Variants in PLPP3 observed in about 807,000 individuals in gnomAD.
PLPP3 encodes the protein PAP2 beta.
In PLPP3, 6 loss-of-function variants were observed where a neutral mutation model predicts 29.6. The observed-to-expected ratio is 0.20, with a 90% CI of 0.11 to 0.40. PLPP3 has a LOEUF of 0.40. Among genes scored for constraint, PLPP3 ranks in the 10% least tolerant of loss-of-function variants. The pLI is 1.00. For missense variants in PLPP3, 308 were observed against 407.7 expected, an observed-to-expected ratio of 0.76 and a Z score of 2.11; for synonymous variants, 152 against 159.7, an observed-to-expected ratio of 0.95 and a Z score of 0.36.
At chr1:56,549,657 T>C (rs1476951926) in intron 1 of PLPP3, among the ~76,000 whole-genome samples, 1 of 152,214 alleles carries the variant, frequency 6.6e-6, no homozygotes, top group Non-Finnish European at 1.5e-5. Flanking sequence ...TTGTCCCAGC[T>C]GGGGTAACTG....
In PLPP3 at chr1:56,496,052, T is replaced by C. The variant is rs950520663; in HGVS notation, c.*499A>G. On this transcript the variant is annotated 3_prime_UTR_variant, in exon 6 of 6. Coordinates refer to ENST00000371250, the MANE Select transcript of PLPP3 (RefSeq NM_003713.5). ...ACTGAGCAAACTTGCTCTTTCCTTT[T>C]ATTTAAAACACAAAACAAAACTTCC... is the stretch of plus-strand genomic sequence containing the variant. 2 of 153,932 alleles carry C rather than the reference T, an allele frequency of 1.3e-5. No individual in the cohort carries two copies. Among genetic ancestry groups the C allele is most frequent in the African/African-American group, 4.8e-5 (2 of 41,464 alleles). 9.5% of individuals were successfully genotyped at this position (153,932 alleles called of 1,614,324 possible).
At position 56,535,157 on chromosome 1, in the gene PLPP3, G is replaced by C. The variant is rs111425452; in HGVS notation, c.297+1798C>G. 2.6e-4 allele frequency among the ~76,000 whole-genome samples: 40 copies of C among 152,288 alleles called. 1 individual carries two copies. Among genetic ancestry groups the C allele is most frequent in the African/African-American group, 9.1e-4 (38 of 41,570 alleles). On this transcript the variant is annotated intron_variant, in intron 2 of 5. Coordinates refer to ENST00000371250, the MANE Select transcript of PLPP3 (RefSeq NM_003713.5). ...CTCAAAACCTTAGTAAGTAGACATA[G>C]TATCTCTATGTAACAGATGTATTTC...
chr1:56,506,579 C>T (rs1257477458), intron 5 of PLPP3, among the ~76,000 whole-genome samples: 2 of 152,196 alleles, frequency 1.3e-5, no homozygotes, highest in Non-Finnish European at 2.9e-5. Context: ...GGCAGCCGGG[C>T]CCTCCCCTGA....
intron 1 of PLPP3, among the ~76,000 whole-genome samples, chr1:56,547,582 C>T (rs554695256): frequency 9.9e-5 from 15 of 152,262 alleles, no homozygotes; most frequent in African/African-American, 3.6e-4. Flanking sequence ...AGACACTTAT[C>T]TTCAGTTTCC....
intron 1 of PLPP3, among the ~76,000 whole-genome samples, chr1:56,557,490 T>C (rs1225640826): frequency 1.3e-5 from 2 of 152,162 alleles, no homozygotes; most frequent in East Asian, 1.9e-4. Context: ...ATTGATAGAA[T>C]CGTATCTTTT....
chr1:56,537,175 T>C, intron 1 of PLPP3, 63 bp from the exon 2 acceptor site: 7 of 1,530,102 alleles, frequency 4.6e-6, no homozygotes, highest in Non-Finnish European at 6.3e-6. Context: ...GGGGAAAACA[T>C]CAGTGCCAAA....
At chr1:56,568,563 G>A (rs193184940) in intron 1 of PLPP3, among the ~76,000 whole-genome samples, 68 of 152,324 alleles carry the variant, frequency 4.5e-4, no homozygotes, top group African/African-American at 1.4e-3. Flanking sequence ...GTTTCTGGAA[G>A]GAGTGGCCTC....
chr1:56,544,090 C>T (rs1015867109), intron 1 of PLPP3, among the ~76,000 whole-genome samples: 1 of 152,178 alleles, frequency 6.6e-6, no homozygotes, highest in African/African-American at 2.4e-5. Context: ...AAAGAGAAAC[C>T]TGTTTTACTT....
intron 1 of PLPP3, among the ~76,000 whole-genome samples, chr1:56,557,014 G>GAAGGAAAGAAAGAAAGAAA (rs1281163801): frequency 7.7e-5 from 1 of 12,948 alleles, no homozygotes; most frequent in Non-Finnish European, 2.0e-4. Flanking sequence ...AAGAAAGAGA[G>GAAGGAAAGAAAGAAAGAAA]AGAGAGAGAG....
At position 56,524,180 on chromosome 1, in the gene PLPP3, T is replaced by C. The variant is rs1287303152; in HGVS notation, c.575+97A>G. ...CCTCAAGAATAGGAACTATGCCTTA[T>C]TCACCCATCTAAACCAGGGCCCAGC... is the stretch of plus-strand genomic sequence containing the variant. On this transcript the variant is annotated intron_variant, in intron 3 of 5. Transcript: ENST00000371250. The surrounding 1 kb of genome is among the most constrained non-coding windows in gnomAD (Gnocchi z 4.3). 1 of 1,422,736 alleles carries C rather than the reference T, an allele frequency of 7.0e-7. No individual in the cohort carries two copies. Among genetic ancestry groups the C allele is most frequent in the African/African-American group, 1.4e-5 (1 of 70,172 alleles). 88.1% of individuals were successfully genotyped at this position (1,422,736 alleles called of 1,614,324 possible).
chr1:56,531,519 T>C (rs150345903), intron 2 of PLPP3, among the ~76,000 whole-genome samples: 82 of 152,348 alleles, frequency 5.4e-4, no homozygotes, highest in Non-Finnish European at 9.6e-4. Context: ...CTACAAACCA[T>C]TGATGCACAC....
chr1:56,578,476 C>A (rs971616133), intron 1 of PLPP3, among the ~76,000 whole-genome samples: 1 of 152,182 alleles, frequency 6.6e-6, no homozygotes, highest in South Asian at 2.1e-4. Context: ...ACTCTCGGGG[C>A]GATCCATTTC....
intron 1 of PLPP3, among the ~76,000 whole-genome samples, 164 bp from the exon 2 acceptor site, chr1:56,537,276 T>G (rs1645934402): frequency 6.6e-6 from 1 of 152,136 alleles, no homozygotes; most frequent in Non-Finnish European, 1.5e-5. Context: ...GAGAGAGCTT[T>G]CGCTATGCAC....
At chr1:56,574,795 A>G (rs1449535865) in intron 1 of PLPP3, among the ~76,000 whole-genome samples, 1 of 152,188 alleles carries the variant, frequency 6.6e-6, no homozygotes, top group Non-Finnish European at 1.5e-5. Flanking sequence ...CATATATAAC[A>G]ATTCAATTAA....
chr1:56,547,799 G>T (rs562614780), intron 1 of PLPP3, among the ~76,000 whole-genome samples: 1 of 152,160 alleles, frequency 6.6e-6, no homozygotes, highest in Admixed American at 6.5e-5. Context: ...CAAGTAAGAG[G>T]AAGAGCACAG....
chr1:56,579,371 G>C lies in PLPP3; in HGVS notation c.-355C>G. On this transcript the variant is annotated 5_prime_UTR_variant, in exon 1 of 6. Coordinates refer to ENST00000371250, the MANE Select transcript of PLPP3 (RefSeq NM_003713.5). The stretch of plus-strand genomic sequence containing the variant: ...GCGAGCGAGCGAGTGGGCAGCGCGG[G>C]CGCTCGGCCACCTTCCTCCGCAGCT... 3.7e-6 allele frequency: 1 copy of C among 268,070 alleles called. No individual in the cohort carries two copies. Among genetic ancestry groups the C allele is most frequent in the South Asian group, 4.1e-5 (1 of 24,632 alleles). 16.6% of individuals were successfully genotyped at this position (268,070 alleles called of 1,614,324 possible). A position where few individuals can be genotyped will look rare whatever the true frequency, so the allele number is the denominator to read the frequency against.
At chr1:56,577,833 G>A (rs1241900806) in intron 1 of PLPP3, among the ~76,000 whole-genome samples, 1 of 152,106 alleles carries the variant, frequency 6.6e-6, no homozygotes, top group Non-Finnish European at 1.5e-5. Context: ...TGAGGCCCAT[G>A]AGGCAGTTAA....
intron 5 of PLPP3, among the ~76,000 whole-genome samples, chr1:56,507,079 C>T (rs780344149): frequency 1.3e-5 from 2 of 152,214 alleles, no homozygotes; most frequent in Non-Finnish European, 2.9e-5. Context: ...GAGGAGGAAA[C>T]CAGACTTCCA....
chr1:56,506,957 G>A (rs1429714992), intron 5 of PLPP3, among the ~76,000 whole-genome samples: 1 of 152,158 alleles, frequency 6.6e-6, no homozygotes, highest in African/African-American at 2.4e-5. Context: ...AGGCCTATCC[G>A]ACCCTAAGTG....
Sources: allele counts gnomAD v4.1 joint callset (sites outside exome capture counted in the v4.1 genomes callset), GRCh38; gene constraint gnomAD v4.1.1; non-coding constraint Gnocchi (gnomAD v3.1); transcripts MANE v1.5; gene names NCBI Gene and HGNC (gene_info 2026-07-23, HGNC 2026-07-21).